Variants in TOGARAM1 observed in about 807,000 individuals in gnomAD.
The protein encoded by TOGARAM1 is TOG array regulator of axonemal microtubules protein 1.
In TOGARAM1, 100 loss-of-function variants were observed where a neutral mutation model predicts 166.6. The ratio of observed to expected loss-of-function variants is 0.60; its 90% CI spans 0.51 to 0.71. The LOEUF is 0.71. Ranked by LOEUF, TOGARAM1 falls within the 30% of genes least tolerant of loss-of-function variation. TOGARAM1 has a pLI of 0.00. For missense variants in TOGARAM1, 2,029 were observed against 2,102.7 expected (o/e 0.96, Z 0.69); for synonymous variants, 758 against 763.8 (o/e 0.99, Z 0.13).
intron 1 of TOGARAM1, among the ~76,000 whole-genome samples, chr14:44,982,774 A>G (rs920296357): frequency 4.6e-5 from 7 of 152,244 alleles, no homozygotes; most frequent in African/African-American, 1.7e-4. Context: ...GCACTGCCGT[A>G]GGATTTTTGC....
At chr14:44,968,775 G>A (rs981756065) in intron 1 of TOGARAM1, among the ~76,000 whole-genome samples, 4 of 152,134 alleles carry the variant, frequency 2.6e-5, no homozygotes, top group African/African-American at 9.7e-5. Flanking sequence ...ATGGGATTTT[G>A]GCAAATGTAT....
At chr14:44,973,100 T>A (rs1357607567) in intron 1 of TOGARAM1, among the ~76,000 whole-genome samples, 1 of 152,128 alleles carries the variant, frequency 6.6e-6, no homozygotes, top group African/African-American at 2.4e-5. Context: ...ATATCTACCA[T>A]AATTGTTGTT....
chr14:45,046,618 C>G lies in TOGARAM1; in HGVS notation c.4228C>G (p.Arg1410Gly), dbSNP rs570507930. 2 of 1,418,786 alleles carry G rather than the reference C, an allele frequency of 1.4e-6. No individual in the cohort carries two copies. Among genetic ancestry groups the G allele is most frequent in the East Asian group, 5.4e-5 (2 of 37,010 alleles). 87.9% of individuals were successfully genotyped at this position (1,418,786 alleles called of 1,614,324 possible). Residue 1410 changes from arginine to glycine, a missense_variant, in exon 14 of 20, where the codon CGT (arginine) becomes GGT (glycine). By Grantham distance (125) the Arg-to-Gly change is moderately radical (BLOSUM62 -2). This residue lies in a region of TOGARAM1 where 576 missense variants were observed against 670.5 expected (regional missense o/e 0.86). Coordinates refer to ENST00000361462, the MANE Select transcript of TOGARAM1 (RefSeq NM_001308120.2). ...TGTATTGGAATTTATGGAACCAGAA[C>G]GTATTTTATCTGCAGCAAAGGATAT... Reference protein sequence around the residue: ...SDVLEFMEPERILSAAKDMAE... With the variant: ...SDVLEFMEPEGILSAAKDMAE...
At chr14:45,071,274 A>G (rs1883367255) in intron 18 of TOGARAM1, among the ~76,000 whole-genome samples, 1 of 125,718 alleles carries the variant, frequency 8.0e-6, no homozygotes, top group African/African-American at 3.1e-5. Flanking sequence ...GATGCCTAGG[A>G]GATTCAGGCA....
At chr14:44,993,565 C>G (rs1887256266) in intron 1 of TOGARAM1, among the ~76,000 whole-genome samples, 1 of 152,114 alleles carries the variant, frequency 6.6e-6, no homozygotes, top group African/African-American at 2.4e-5. Context: ...TTTATGAATT[C>G]TATTTTCTTT....
intron 11 of TOGARAM1, among the ~76,000 whole-genome samples, chr14:45,039,003 AT>A (rs1482971906): frequency 6.6e-6 from 1 of 152,072 alleles, no homozygotes; most frequent in Non-Finnish European, 1.5e-5. Flanking sequence ...GGTAGCTCCT[AT>A]CCACAGGCGG....
chr14:45,021,081 G>A (rs903694171), intron 7 of TOGARAM1, among the ~76,000 whole-genome samples: 2 of 152,160 alleles, frequency 1.3e-5, no homozygotes, highest in African/African-American at 2.4e-5. Flanking sequence ...GGGGTGCTAT[G>A]TACCCGGGTC....
chr14:45,042,787 A>G (rs566700961), intron 11 of TOGARAM1, among the ~76,000 whole-genome samples: 12 of 152,268 alleles, frequency 7.9e-5, no homozygotes, highest in African/African-American at 2.9e-4. Context: ...GTGAGTTGTA[A>G]TCTTTTTGCT....
In TOGARAM1 at chr14:45,006,192, G is replaced by A; in HGVS notation, c.2829G>A (p.Trp943Ter). The change falls in exon 5 of 20, where the codon TGG (tryptophan) becomes TGA (stop). Residue 943 changes from tryptophan to a stop codon, truncating the protein, a stop_gained. Coordinates refer to ENST00000361462, the MANE Select transcript of TOGARAM1 (RefSeq NM_001308120.2). LOFTEE classifies it high-confidence loss of function. ...AAAAGAAAGAGCCTGATGATATTTG[G>A]AAGTGTGAAAAAGATAGTCTTCCAA... ...GHKKKEPDDIWKCEKDSLPID... is the reference protein window; with the variant it reads ...GHKKKEPDDI 1 of 1,613,800 alleles carries A rather than the reference G, an allele frequency of 6.2e-7. No individual in the cohort carries two copies. The highest frequency in any genetic ancestry group is 8.5e-7 in the Non-Finnish European group (1 of 1,179,786).
intron 11 of TOGARAM1, among the ~76,000 whole-genome samples, chr14:45,038,424 A>G (rs544204320): frequency 6.6e-6 from 1 of 152,232 alleles, no homozygotes; most frequent in Non-Finnish European, 1.5e-5. Flanking sequence ...CGAGGGGTGC[A>G]TGAGCATGGG....
intron 1 of TOGARAM1, among the ~76,000 whole-genome samples, chr14:44,967,851 G>A (rs1326849182): frequency 6.6e-6 from 1 of 152,016 alleles, no homozygotes; most frequent in East Asian, 1.9e-4. Flanking sequence ...GATTTTTTTG[G>A]AAATAATTTT....
In TOGARAM1 at chr14:44,973,356, A is replaced by G. The variant is rs553436162; in HGVS notation, c.2046+8889A>G. Among the ~76,000 whole-genome samples the G allele has an allele frequency of 2.0e-5, 3 of 151,982 alleles. No individual in the cohort carries two copies. In the East Asian group the frequency reaches 5.8e-4, roughly 29 times the overall value. On this transcript the variant is annotated intron_variant, in intron 1 of 19. Coordinates refer to ENST00000361462, the MANE Select transcript of TOGARAM1 (RefSeq NM_001308120.2). Reference sequence around the variant, plus strand: ...AATATACTGCTTCACAGGTAACCCAAGTACCTTATAATAACAGAATATTTG... The same window carrying G: ...AATATACTGCTTCACAGGTAACCCAGGTACCTTATAATAACAGAATATTTG...
chr14:45,038,525 C>T (rs183764842), intron 11 of TOGARAM1, among the ~76,000 whole-genome samples: 22 of 152,294 alleles, frequency 1.4e-4, no homozygotes, highest in African/African-American at 4.8e-4. Context: ...CCTGCTACAG[C>T]GGGACCAGAC....
In TOGARAM1 at chr14:45,074,249, A is replaced by T. The variant is rs571528771; in HGVS notation, c.*688A>T. On this transcript the variant is annotated 3_prime_UTR_variant, in exon 20 of 20. Transcript: ENST00000361462. The stretch of plus-strand genomic sequence containing the variant: ...AACCCCCCTATTTTTGTGTGCAAAC[A>T]CTAAATTTTATTGCTTTATGTTTTG... The T allele has an allele frequency of 6.6e-6, 1 of 152,648 alleles. No homozygotes were observed. Among genetic ancestry groups the T allele is most frequent in the African/African-American group, 2.4e-5 (1 of 41,472 alleles). The allele number at this position is 152,648 out of a possible 1,614,324, so 9.5% of individuals were successfully genotyped here.
At chr14:45,017,817 G>A (rs1274093936) in intron 7 of TOGARAM1, among the ~76,000 whole-genome samples, 2 of 152,122 alleles carry the variant, frequency 1.3e-5, no homozygotes, top group South Asian at 2.1e-4. Context: ...CCCGGGAGGC[G>A]GAGGTTGCAG....
At chr14:45,030,727 A>G (rs1029914377) in intron 10 of TOGARAM1, among the ~76,000 whole-genome samples, 5 of 152,088 alleles carry the variant, frequency 3.3e-5, no homozygotes, top group Admixed American at 2.0e-4. Context: ...ACCTTTTTAC[A>G]TTTTTTGTTA....
intron 1 of TOGARAM1, among the ~76,000 whole-genome samples, chr14:44,992,077 A>T (rs1887169171): frequency 6.9e-6 from 1 of 144,260 alleles, no homozygotes; most frequent in Non-Finnish European, 1.5e-5. Context: ...TCTGTTAAAA[A>T]AAAAAAAAAA....
At chr14:45,052,290 C>T in intron 14 of TOGARAM1, 146 bp from the exon 15 acceptor site, 1 of 627,868 alleles carries the variant, frequency 1.6e-6, no homozygotes, top group East Asian at 2.8e-5. Flanking sequence ...GTTAGGATAT[C>T]TATATTTTCA....
At chr14:44,992,546 C>T (rs1887196769) in intron 1 of TOGARAM1, among the ~76,000 whole-genome samples, 1 of 151,714 alleles carries the variant, frequency 6.6e-6, no homozygotes, top group South Asian at 2.1e-4. Context: ...CTTTAATACT[C>T]CCTGCCAAAA....
Sources: allele counts gnomAD v4.1 joint callset (sites outside exome capture counted in the v4.1 genomes callset), GRCh38; gene constraint gnomAD v4.1.1; regional missense constraint gnomAD v4.1.1; transcripts MANE v1.5; gene names NCBI Gene and HGNC (gene_info 2026-07-23, HGNC 2026-07-21).